The following HHLA1 variants were observed in gnomAD, a reference collection of about 807,000 sequenced individuals.
The protein encoded by HHLA1 is HERV-H LTR-associating protein 1.
A neutral mutation model predicts 69.9 loss-of-function variants in HHLA1; 72 were observed. The ratio of observed to expected loss-of-function variants is 1.03; its 90% CI spans 0.85 to 1.25. The LOEUF (loss-of-function observed/expected upper bound fraction) is 1.25, where lower values mean the gene tolerates loss of function less well. Among genes scored for constraint, HHLA1 ranks in the 50% most tolerant of loss-of-function variants. HHLA1 has a pLI of 0.00. For missense variants in HHLA1, 685 were observed against 642.2 expected (o/e 1.07, Z -0.72); for synonymous variants, 252 against 233.2 (o/e 1.08, Z -0.73).
chr8:132,083,753 G>A (rs972145875), intron 10 of HHLA1, among the ~76,000 whole-genome samples: 13 of 152,206 alleles, frequency 8.5e-5, no homozygotes, highest in African/African-American at 3.1e-4. Context: ...CTGCGGTTCG[G>A]GCGTTTGGAA....
intron 10 of HHLA1, among the ~76,000 whole-genome samples, chr8:132,083,028 GGGTGCATGATT>G (rs1297339728): frequency 6.9e-6 from 1 of 144,886 alleles, no homozygotes; most frequent in African/African-American, 2.9e-5. Flanking sequence ...AGATGGTAAG[GGGTGCATGATT>G]GGTCGCCAAG....
chr8:132,073,713 C>G (rs1378596280), intron 14 of HHLA1, among the ~76,000 whole-genome samples: 2 of 152,164 alleles, frequency 1.3e-5, no homozygotes, highest in African/African-American at 4.8e-5. Flanking sequence ...CCCAACCCAC[C>G]CCATCCATCC....
chr8:132,071,596 A>C (rs1823546569), intron 14 of HHLA1, 103 bp from the exon 15 acceptor site: 76 of 1,064,946 alleles, frequency 7.1e-5, no homozygotes, highest in Middle Eastern at 2.8e-4. Context: ...TCCTGATCTC[A>C]CGTAGCTCTG....
intron 3 of HHLA1, among the ~76,000 whole-genome samples, chr8:132,101,009 A>G (rs955386747): frequency 2.6e-5 from 4 of 152,234 alleles, no homozygotes; most frequent in African/African-American, 7.2e-5. Context: ...GACAAGCAAC[A>G]TATCTTATTG....
At chr8:132,078,931 T>G (rs1214828872) in intron 11 of HHLA1, among the ~76,000 whole-genome samples, 3 of 149,908 alleles carry the variant, frequency 2.0e-5, no homozygotes, top group Non-Finnish European at 2.9e-5. Flanking sequence ...TTCTGCACTT[T>G]ATTTTATTTT....
chr8:132,068,501 T>TTCC (rs1169027425), intron 15 of HHLA1, among the ~76,000 whole-genome samples: 1 of 152,216 alleles, frequency 6.6e-6, no homozygotes, highest in Non-Finnish European at 1.5e-5. Flanking sequence ...GAAGAGGCAT[T>TTCC]TCCTTGCAGA....
intron 3 of HHLA1, among the ~76,000 whole-genome samples, chr8:132,103,145 T>C (rs1331854061): frequency 6.6e-6 from 1 of 152,158 alleles, no homozygotes; most frequent in East Asian, 1.9e-4. Context: ...GAGAAGAAAA[T>C]TGAAAGCTCA....
At chr8:132,101,906 T>C (rs1362902677) in intron 3 of HHLA1, among the ~76,000 whole-genome samples, 4 of 152,348 alleles carry the variant, frequency 2.6e-5, no homozygotes, top group African/African-American at 9.6e-5. Context: ...AATATAGTAT[T>C]GTTACCTATT....
chr8:132,064,655 C>G (rs1179156349), intron 16 of HHLA1, among the ~76,000 whole-genome samples: 1 of 151,928 alleles, frequency 6.6e-6, no homozygotes, highest in Non-Finnish European at 1.5e-5. Context: ...ATAATGGAGG[C>G]AGAAGGAAAG....
At chr8:132,077,675 T>C (rs1823667348) in intron 12 of HHLA1, 51 bp downstream of exon 12, 1 of 1,526,766 alleles carries the variant, frequency 6.5e-7, no homozygotes. Flanking sequence ...AAACAGACAA[T>C]GCTAAGTTTA....
intron 11 of HHLA1, 36 bp from the exon 12 acceptor site, chr8:132,078,007 AT>A (rs1402083085): frequency 1.3e-6 from 2 of 1,541,972 alleles, no homozygotes; most frequent in African/African-American, 2.7e-5. Flanking sequence ...GGGTACAGAC[AT>A]GCTTGACCAC....
chr8:132,092,359 T>A lies in HHLA1; in HGVS notation c.449-2760A>T, dbSNP rs569466724. On this transcript the variant is annotated intron_variant, in intron 7 of 16. Coordinates refer to ENST00000414222, the MANE Select transcript of HHLA1 (RefSeq NM_001145095.3). Reference sequence around the variant, plus strand: ...TGTGAATGGTTTCCAGGCTGTGAGTTCATAGTGAATGTGCATGCCTTCTGG... The same window carrying A: ...TGTGAATGGTTTCCAGGCTGTGAGTACATAGTGAATGTGCATGCCTTCTGG... 2.0e-5 allele frequency among the ~76,000 whole-genome samples: 3 copies of A among 152,304 alleles called. No individual in the cohort carries two copies. The South Asian group carries it at 6.2e-4, about 32-fold the overall frequency.
intron 15 of HHLA1, among the ~76,000 whole-genome samples, chr8:132,070,533 C>T (rs1289304487): frequency 2.0e-5 from 3 of 152,112 alleles, no homozygotes; most frequent in African/African-American, 7.2e-5. Context: ...TAACTCAACA[C>T]AACATATCTC....
chr8:132,098,956 G>T lies in HHLA1; in HGVS notation c.206C>A (p.Pro69His). ...CGCGGACAGATCGATTGACCTTGCG[G>T]GCAGCTCTGAAAGAGATTCAGAGAT... ...GVAFLATTEL[P>H]ARSIDLSALN... is the part of the protein sequence containing the mutation. The change falls in exon 5 of 17, where the codon CCC becomes CAC. Residue 69 changes from proline to histidine, a missense_variant. By Grantham distance (77) the Pro-to-His change is moderately conservative. Coordinates refer to ENST00000414222, the MANE Select transcript of HHLA1 (RefSeq NM_001145095.3). The T allele has an allele frequency of 6.5e-7, 1 of 1,549,076 alleles. No homozygotes were observed. The highest frequency in any genetic ancestry group is 8.7e-7 in the Non-Finnish European group (1 of 1,145,428).
At position 132,061,519 on chromosome 8, in the gene HHLA1, T is replaced by C. The variant is rs1451366300; in HGVS notation, c.*2476A>G. On this transcript the variant is annotated 3_prime_UTR_variant, in exon 17 of 17. Transcript: ENST00000414222. ...GAATGAAGTTTAATGACGTTACGCA[T>C]GTAACTGCACAATCTCCTTCATCAG... The C allele has an allele frequency of 1.3e-5, 2 of 152,236 alleles. No individual in the cohort carries two copies. Among genetic ancestry groups the C allele is most frequent in the Non-Finnish European group, 2.9e-5 (2 of 68,050 alleles). 9.4% of individuals were successfully genotyped at this position (152,236 alleles called of 1,614,324 possible).
In HHLA1 at chr8:132,077,961, C is replaced by T. The variant is rs749612860; in HGVS notation, c.936G>A (p.Arg312=). ...CTGTCAACCACTGAGTTCTGGCCAC[C>T]CTCCTGGTAGCTGCACATTCAAAGT... ...SHTLPALATR[R]VARTQWLTAD... Residue 312 remains arginine, a synonymous_variant, in exon 12 of 17, where the codon AGG becomes AGA. Coordinates refer to ENST00000414222, the MANE Select transcript of HHLA1 (RefSeq NM_001145095.3). 42 of 1,551,560 alleles carry T rather than the reference C, an allele frequency of 2.7e-5. No homozygotes were observed. In the South Asian group the frequency reaches 5.0e-4, roughly 18 times the overall value.
chr8:132,083,814 G>T (rs943617495), intron 10 of HHLA1, among the ~76,000 whole-genome samples: 1 of 152,172 alleles, frequency 6.6e-6, no homozygotes, highest in Non-Finnish European at 1.5e-5. Context: ...GTGGAGGCAA[G>T]GAATTGCAAC....
intron 1 of HHLA1, among the ~76,000 whole-genome samples, chr8:132,110,424 C>G (rs890182532): frequency 5.3e-5 from 8 of 152,150 alleles, no homozygotes; most frequent in East Asian, 3.9e-4. Context: ...GAGAGAACAC[C>G]AAAAGGTGAG....
chr8:132,089,957 A>G (rs578244501), intron 7 of HHLA1, among the ~76,000 whole-genome samples: 3 of 152,168 alleles, frequency 2.0e-5, no homozygotes, highest in Non-Finnish European at 4.4e-5. Context: ...TGCCAACTCC[A>G]TCTGATAGGA....
Sources: allele counts gnomAD v4.1 joint callset (sites outside exome capture counted in the v4.1 genomes callset), GRCh38; gene constraint gnomAD v4.1.1; transcripts MANE v1.5; gene names NCBI Gene and HGNC (gene_info 2026-07-23, HGNC 2026-07-21).